The following KIAA0825 variants were observed in gnomAD, a reference collection of about 807,000 sequenced individuals.
KIAA0825 encodes uncharacterized protein KIAA0825.
Under a neutral mutation model 147.6 loss-of-function variants are expected in KIAA0825, and 119 were observed. The observed-to-expected ratio is 0.81, with a 90% CI of 0.69 to 0.94. KIAA0825 has a LOEUF of 0.94. Ranked by LOEUF, KIAA0825 falls within the 40% of genes least tolerant of loss-of-function variation. The probability of loss-of-function intolerance (pLI) is 0.00; values close to 1 mark genes in which losing one functional copy is unlikely to be tolerated. For synonymous variants in KIAA0825, 470 were observed against 518.1 expected (o/e 0.91, Z 1.26); for missense variants, 1,381 against 1,472.7 (o/e 0.94, Z 1.02).
intron 20 of KIAA0825, among the ~76,000 whole-genome samples, chr5:94,230,627 G>A (rs1016826301): frequency 9.9e-5 from 15 of 152,032 alleles, no homozygotes; most frequent in Non-Finnish European, 1.6e-4. Flanking sequence ...TTATTTTTGT[G>A]AGGTCTCAGA....
At chr5:94,537,466 A>G (rs1311169725) in intron 2 of KIAA0825, among the ~76,000 whole-genome samples, 2 of 152,050 alleles carry the variant, frequency 1.3e-5, no homozygotes, top group East Asian at 1.9e-4. Flanking sequence ...CCTGGCTAAC[A>G]TGATGAAACC....
chr5:94,565,042 T>C, intron 2 of KIAA0825, among the ~76,000 whole-genome samples: 1 of 141,554 alleles, frequency 7.1e-6, no homozygotes. Flanking sequence ...CTTTCCTCTC[T>C]CTCTCTCTCT....
chr5:94,465,946 A>C (rs1760432758), intron 10 of KIAA0825, among the ~76,000 whole-genome samples: 1 of 152,190 alleles, frequency 6.6e-6, no homozygotes, highest in Non-Finnish European at 1.5e-5. Context: ...TATTTTCTTC[A>C]AATCAGATCA....
intron 20 of KIAA0825, among the ~76,000 whole-genome samples, chr5:94,330,495 A>G (rs2150286820): frequency 6.6e-6 from 1 of 152,316 alleles, no homozygotes; most frequent in East Asian, 1.9e-4. Flanking sequence ...TCTCAAGGGC[A>G]GTTAAAAATA....
chr5:94,240,192 C>T (rs996048138), intron 20 of KIAA0825, among the ~76,000 whole-genome samples: 3 of 152,148 alleles, frequency 2.0e-5, no homozygotes, highest in African/African-American at 4.8e-5. Flanking sequence ...TTTCAAAACT[C>T]GGCTAACCCA....
intron 20 of KIAA0825, among the ~76,000 whole-genome samples, chr5:94,165,089 G>C (rs1583716261): frequency 6.6e-6 from 1 of 152,136 alleles, no homozygotes; most frequent in East Asian, 1.9e-4. Context: ...CAGAATGGGA[G>C]AAAATATTTG....
chr5:94,288,078 A>G (rs973788280), intron 20 of KIAA0825, among the ~76,000 whole-genome samples: 1 of 152,172 alleles, frequency 6.6e-6, no homozygotes, highest in African/African-American at 2.4e-5. Context: ...CCTCTGGAAA[A>G]AATGGCTAAA....
rs150687937 is a variant in KIAA0825 at position 94,368,424 on chromosome 5, T to C, written c.3710+15944A>G. Among the ~76,000 whole-genome samples, 872 of 152,290 alleles carry C rather than the reference T, an allele frequency of 5.7e-3. 7 individuals carry two copies. Among genetic ancestry groups the C allele is most frequent in the African/African-American group, 0.02 (839 of 41,558 alleles). On this transcript the variant is annotated intron_variant, in intron 20 of 20. Transcript: ENST00000682413. ...CTAGGCTCAAGGGATCCACCCACCCTGGACCTCCCAAAGTTCTGGGATTAC... is the reference window on the plus strand; with the variant it reads ...CTAGGCTCAAGGGATCCACCCACCCCGGACCTCCCAAAGTTCTGGGATTAC...
intron 20 of KIAA0825, among the ~76,000 whole-genome samples, chr5:94,281,237 ACACACACT>A (rs1777453100): frequency 7.4e-6 from 1 of 135,342 alleles, no homozygotes; most frequent in Non-Finnish European, 1.6e-5. Flanking sequence ...ACACACACAC[ACACACACT>A]TGCCATACCC....
At chr5:94,370,311 T>C (rs1482273766) in intron 20 of KIAA0825, among the ~76,000 whole-genome samples, 1 of 152,192 alleles carries the variant, frequency 6.6e-6, no homozygotes, top group Non-Finnish European at 1.5e-5. Context: ...AGAGGAATTT[T>C]TGAGGGTGAT....
chr5:94,199,568 G>A (rs1386758721), intron 20 of KIAA0825, among the ~76,000 whole-genome samples: 1 of 152,144 alleles, frequency 6.6e-6, no homozygotes. Flanking sequence ...GGGCATGGGT[G>A]TGTGTACACC....
intron 1 of KIAA0825, among the ~76,000 whole-genome samples, chr5:94,599,598 G>A (rs1785980504): frequency 6.6e-6 from 1 of 151,918 alleles, no homozygotes; most frequent in South Asian, 2.1e-4. Flanking sequence ...CACTGGAGTA[G>A]GCAATGGTTT....
chr5:94,514,423 T>C lies in KIAA0825; in HGVS notation c.970+5825A>G, dbSNP rs1584743384. ...ACAGTTTCGAAATTCAAGGTTAATT[T>C]TATACGTAGGAAAATAAATGTATGC... On this transcript the variant is annotated intron_variant, in intron 5 of 20. Coordinates refer to ENST00000682413, the MANE Select transcript of KIAA0825 (RefSeq NM_001145678.3). Among the ~76,000 whole-genome samples the C allele has an allele frequency of 4.6e-5, 7 of 152,260 alleles. No individual in the cohort carries two copies. The South Asian group carries it at 1.4e-3, about 32-fold the overall frequency.
chr5:94,543,076 G>C (rs1460064279), intron 2 of KIAA0825, among the ~76,000 whole-genome samples: 1 of 152,156 alleles, frequency 6.6e-6, no homozygotes, highest in African/African-American at 2.4e-5. Context: ...GTTATCTTGG[G>C]ACCTTAAAAG....
At chr5:94,444,346 G>A (rs1757474048) in intron 13 of KIAA0825, among the ~76,000 whole-genome samples, 1 of 152,104 alleles carries the variant, frequency 6.6e-6, no homozygotes, top group Non-Finnish European at 1.5e-5. Flanking sequence ...GAATTACTAT[G>A]CTGGTGAGGG....
chr5:94,405,108 T>C (rs1314645737), intron 15 of KIAA0825, among the ~76,000 whole-genome samples: 3 of 152,212 alleles, frequency 2.0e-5, no homozygotes, highest in Non-Finnish European at 4.4e-5. Context: ...AAATTGAGAA[T>C]GTGCTTTAGG....
At chr5:94,296,467 C>A (rs1778143563) in intron 20 of KIAA0825, among the ~76,000 whole-genome samples, 1 of 152,168 alleles carries the variant, frequency 6.6e-6, no homozygotes, top group Admixed American at 6.5e-5. Flanking sequence ...AATACTCCTG[C>A]AGCTAGCTCG....
chr5:94,347,933 T>C (rs569154292), intron 20 of KIAA0825, among the ~76,000 whole-genome samples: 2 of 152,270 alleles, frequency 1.3e-5, no homozygotes, highest in Admixed American at 1.3e-4. Context: ...AGAAAATTGA[T>C]AGCTTAAAGA....
chr5:94,346,868 G>A (rs923450603), intron 20 of KIAA0825, among the ~76,000 whole-genome samples: 6 of 152,130 alleles, frequency 3.9e-5, no homozygotes, highest in African/African-American at 1.2e-4. Context: ...GGTGGGGGAC[G>A]AACCAAGCCC....
Sources: gnomAD v4.1 joint callset for allele counts (sites outside exome capture counted in the v4.1 genomes callset) on GRCh38, gnomAD v4.1.1 for gene constraint, MANE v1.5 for transcripts, NCBI Gene and HGNC (gene_info 2026-07-23, HGNC 2026-07-21) for gene names.